The following PLCH1 variants were observed in gnomAD, a reference collection of about 807,000 sequenced individuals.
PLCH1 encodes the protein 1-phosphatidylinositol 4,5-bisphosphate phosphodiesterase eta-1.
In PLCH1, 60 loss-of-function variants were observed where a neutral mutation model predicts 126.7. The observed-to-expected ratio is 0.47, with a 90% CI of 0.38 to 0.59. The LOEUF (loss-of-function observed/expected upper bound fraction) is 0.59, where lower values mean the gene tolerates loss of function less well. Among genes scored for constraint, PLCH1 ranks in the 20% least tolerant of loss-of-function variants. The pLI, the probability that PLCH1 is intolerant of heterozygous loss-of-function variation, is 0.00. For missense variants in PLCH1, 1,723 were observed against 2,040.0 expected (o/e 0.84, Z 2.99); for synonymous variants, 719 against 734.9 (o/e 0.98, Z 0.35).
At chr3:155,539,963 G>A (rs767881805) in intron 10 of PLCH1, among the ~76,000 whole-genome samples, 2 of 152,036 alleles carry the variant, frequency 1.3e-5, no homozygotes, top group African/African-American at 2.4e-5. Context: ...AAATTTGGAC[G>A]CATAACATTA....
chr3:155,725,687 G>A (rs548253165), intron 1 of PLCH1, among the ~76,000 whole-genome samples: 59 of 152,160 alleles, frequency 3.9e-4, no homozygotes, highest in Non-Finnish European at 5.7e-4. Context: ...TGATCTGCCC[G>A]CCTCAGCCTC....
At chr3:155,610,846 A>G (rs1468488963) in intron 2 of PLCH1, among the ~76,000 whole-genome samples, 1 of 152,198 alleles carries the variant, frequency 6.6e-6, no homozygotes, top group Non-Finnish European at 1.5e-5. Context: ...CATGATGAAT[A>G]TAACAGTACA....
At chr3:155,552,270 A>C (rs985754833) in intron 9 of PLCH1, among the ~76,000 whole-genome samples, 7 of 152,238 alleles carry the variant, frequency 4.6e-5, no homozygotes, top group Admixed American at 3.3e-4. Context: ...CCTGCTAGGC[A>C]ACAAAAATGA....
rs1731345611 is a variant in PLCH1, at chr3:155,586,191, C to A, written c.474G>T (p.Trp158Cys). 1 of 1,613,930 alleles carries A rather than the reference C, an allele frequency of 6.2e-7. No individual in the cohort carries two copies. Among genetic ancestry groups the A allele is most frequent in the African/African-American group, 1.3e-5 (1 of 74,908 alleles). ...LAKRQRTHDQ[W>C]VKQTFEEADK... ...CAGCTTCCTCAAAGGTCTGCTTCAC[C>A]CATGTGCAGAAAGGTCAAAGAAAAC... is the stretch of plus-strand genomic sequence containing the variant. The change falls in exon 5 of 23, where the codon TGG (tryptophan) becomes TGT (cysteine). Residue 158 changes from tryptophan (W) to cysteine (C), a missense_variant. By Grantham distance (215) the Trp-to-Cys change is radical. Around this residue, in one of 2 missense-constraint regions of PLCH1, gnomAD observed 776 missense variants for 1,062.9 expected, o/e 0.73. Transcript: ENST00000460012.
chr3:155,598,806 A>C (rs950480852), intron 2 of PLCH1, among the ~76,000 whole-genome samples: 1 of 152,216 alleles, frequency 6.6e-6, no homozygotes. Flanking sequence ...AAGTACTGAA[A>C]ACAGTAGCTG....
intron 2 of PLCH1, among the ~76,000 whole-genome samples, chr3:155,609,177 G>GATA (rs1221873638): frequency 6.6e-6 from 1 of 152,174 alleles, no homozygotes; most frequent in Admixed American, 6.5e-5. Flanking sequence ...AGCAGGGCTG[G>GATA]TATCCACAGC....
chr3:155,494,038 G>T, intron 17 of PLCH1, 103 bp downstream of exon 17: 3 of 845,696 alleles, frequency 3.5e-6, no homozygotes, highest in Admixed American at 2.2e-5. Context: ...GAAAAACTCT[G>T]GGGTATCACA....
intron 9 of PLCH1, 37 bp from the exon 10 acceptor site, chr3:155,549,995 G>A (rs1725896162): frequency 1.3e-6 from 2 of 1,525,602 alleles, no homozygotes; most frequent in Non-Finnish European, 9.0e-7. Flanking sequence ...GGCGTCAGGT[G>A]CAGGCAACTC....
At chr3:155,605,398 A>C (rs1350174052) in intron 2 of PLCH1, among the ~76,000 whole-genome samples, 1 of 152,244 alleles carries the variant, frequency 6.6e-6, no homozygotes, top group African/African-American at 2.4e-5. Flanking sequence ...AAAATAAAAA[A>C]ATAAAAATCT....
At chr3:155,629,684 T>C (rs982327364) in intron 2 of PLCH1, among the ~76,000 whole-genome samples, 6 of 152,124 alleles carry the variant, frequency 3.9e-5, no homozygotes, top group Admixed American at 3.9e-4. Flanking sequence ...AATATGGTAT[T>C]TTTAAATGGT....
At chr3:155,607,686 C>A (rs1426315630) in intron 2 of PLCH1, among the ~76,000 whole-genome samples, 2 of 152,168 alleles carry the variant, frequency 1.3e-5, no homozygotes, top group African/African-American at 4.8e-5. Context: ...AAGCGATCTG[C>A]CTGCCTCAGC....
At position 155,581,313 on chromosome 3, in the gene PLCH1, TGAC is replaced by T. The variant is rs1217126948; in HGVS notation, c.771+2156_771+2158del. 2.6e-5 allele frequency among the ~76,000 whole-genome samples: 4 copies of T among 152,334 alleles called. No homozygotes were observed. In the East Asian group the frequency reaches 7.7e-4, roughly 29 times the overall value. On this transcript the variant is annotated intron_variant, in intron 6 of 22. Transcript: ENST00000460012. ...CACTCAGATATATATTCAACAGACT[TGAC>T]AACGTATGTCCACACAAAAACCTGT...
intron 1 of PLCH1, among the ~76,000 whole-genome samples, chr3:155,723,368 C>A (rs1748092323): frequency 1.3e-5 from 2 of 152,090 alleles, no homozygotes; most frequent in African/African-American, 4.8e-5. Context: ...AAAGAAACAG[C>A]TTTTTGTTTC....
rs1713457823 is a variant in PLCH1 at position 155,474,867 on chromosome 3, A to T, written c.2938+10489T>A. Among the ~76,000 whole-genome samples, 6 of 127,508 alleles carry T rather than the reference A, an allele frequency of 4.7e-5. No individual in the cohort carries two copies. In the South Asian group the frequency reaches 1.7e-3, roughly 36 times the overall value. 83.7% of individuals were successfully genotyped at this position (127,508 alleles called of 152,430 possible). A position where few individuals can be genotyped will look rare whatever the true frequency, so the allele number is the denominator to read the frequency against. On this transcript the variant is annotated intron_variant, in intron 21 of 21. Coordinates refer to the PLCH1 transcript ENST00000494598. ...CCGCATATTCTCACTCATAGGTGGG[A>T]GTTGAACAATGAGATCACATGGACA... is the stretch of plus-strand genomic sequence containing the variant.
At chr3:155,659,363 T>C (rs1444902439) in intron 2 of PLCH1, among the ~76,000 whole-genome samples, 4 of 127,296 alleles carry the variant, frequency 3.1e-5, no homozygotes, top group African/African-American at 1.2e-4. Flanking sequence ...GGTTTCACTC[T>C]GTCACCCAGG....
intron 2 of PLCH1, among the ~76,000 whole-genome samples, chr3:155,615,836 A>T (rs2108751879): frequency 1.3e-5 from 2 of 152,272 alleles, no homozygotes; most frequent in South Asian, 4.2e-4. Flanking sequence ...TGGGTGACAG[A>T]TGCACCAAAA....
At chr3:155,608,976 G>T (rs534351638) in intron 2 of PLCH1, among the ~76,000 whole-genome samples, 1 of 152,240 alleles carries the variant, frequency 6.6e-6, no homozygotes, top group Admixed American at 6.5e-5. Context: ...GAATAACTCT[G>T]CTCCCAGGAA....
chr3:155,667,394 C>T (rs1742844388), intron 2 of PLCH1, among the ~76,000 whole-genome samples: 1 of 151,756 alleles, frequency 6.6e-6, no homozygotes, highest in Non-Finnish European at 1.5e-5. Context: ...GTCCCAGCAA[C>T]TTTAATAAAG....
At chr3:155,499,866 C>G (rs536423860) in intron 14 of PLCH1, among the ~76,000 whole-genome samples, 25 of 152,328 alleles carry the variant, frequency 1.6e-4, no homozygotes, top group South Asian at 4.1e-4. Context: ...CACATCTCCT[C>G]TGCCCTTCTA....
Sources: allele counts gnomAD v4.1 joint callset (sites outside exome capture counted in the v4.1 genomes callset), GRCh38; gene constraint gnomAD v4.1.1; regional missense constraint gnomAD v4.1.1; transcripts MANE v1.5; gene names NCBI Gene and HGNC (gene_info 2026-07-23, HGNC 2026-07-21).